Variants in PTPRG observed in about 807,000 individuals in gnomAD.
PTPRG encodes the protein protein tyrosine phosphatase receptor type G.
In PTPRG, 102 loss-of-function variants were observed where a neutral mutation model predicts 165.3. That is an observed-to-expected ratio of 0.62 (90% confidence interval 0.53 to 0.73). The LOEUF is 0.73. PTPRG is among the 30% of genes least tolerant of loss of function. The pLI is 0.00. For synonymous variants in PTPRG, 675 were observed against 669.5 expected (o/e 1.01, Z -0.13); for missense variants, 1,866 against 1,861.4 (o/e 1.00, Z -0.05).
At chr3:61,806,116 TATA>T (rs2035408207) in intron 2 of PTPRG, among the ~76,000 whole-genome samples, 1 of 152,188 alleles carries the variant, frequency 6.6e-6, no homozygotes, top group Admixed American at 6.5e-5. Flanking sequence ...ATATACTAAA[TATA>T]ATTTTTTGTG....
At chr3:62,126,694 T>C (rs567868443) in intron 5 of PTPRG, among the ~76,000 whole-genome samples, 77 of 152,368 alleles carry the variant, frequency 5.1e-4, no homozygotes, top group African/African-American at 6.7e-4. Context: ...AATTTAGTAG[T>C]TGCATTTAAA....
chr3:62,069,633 C>A (rs1327874016), intron 4 of PTPRG, among the ~76,000 whole-genome samples: 2 of 121,382 alleles, frequency 1.6e-5, no homozygotes, highest in Admixed American at 9.3e-5. Flanking sequence ...GCCATAGGAT[C>A]GATGTCTCTC....
At chr3:61,693,416 AGGTAATGT>A (rs1306483596) in intron 1 of PTPRG, among the ~76,000 whole-genome samples, 1 of 152,200 alleles carries the variant, frequency 6.6e-6, no homozygotes, top group East Asian at 1.9e-4. Context: ...TTAAATGCAT[AGGTAATGT>A]GTCATAATTG....
intron 4 of PTPRG, among the ~76,000 whole-genome samples, chr3:62,004,837 G>A (rs899298280): frequency 1.3e-5 from 2 of 152,158 alleles, no homozygotes; most frequent in South Asian, 2.1e-4. Flanking sequence ...TAGCTTCTAC[G>A]TCTTGTCCTG....
intron 1 of PTPRG, among the ~76,000 whole-genome samples, chr3:61,728,107 G>A (rs2032336296): frequency 6.6e-6 from 1 of 151,978 alleles, no homozygotes; most frequent in Non-Finnish European, 1.5e-5. Flanking sequence ...AATTTGCCTA[G>A]CGTGCTGGCA....
At chr3:61,835,028 T>C (rs1481836789) in intron 2 of PTPRG, among the ~76,000 whole-genome samples, 1 of 152,202 alleles carries the variant, frequency 6.6e-6, no homozygotes, top group African/African-American at 2.4e-5. Flanking sequence ...GTTTTCTATC[T>C]GAAATTCAGC....
At chr3:61,713,157 C>T (rs1341503030) in intron 1 of PTPRG, among the ~76,000 whole-genome samples, 1 of 149,422 alleles carries the variant, frequency 6.7e-6, no homozygotes, top group African/African-American at 2.5e-5. Flanking sequence ...TCTGAAACAT[C>T]AAATATGTTT....
At chr3:62,094,816 G>A (rs1468402197) in intron 5 of PTPRG, among the ~76,000 whole-genome samples, 3 of 152,192 alleles carry the variant, frequency 2.0e-5, no homozygotes, top group African/African-American at 7.2e-5. Flanking sequence ...CTCAGCTGCT[G>A]CTGAAACTTT....
intron 20 of PTPRG, among the ~76,000 whole-genome samples, 154 bp downstream of exon 20, chr3:62,269,323 A>G (rs999799446): frequency 1.3e-5 from 2 of 152,130 alleles, no homozygotes; most frequent in African/African-American, 2.4e-5. Context: ...ACATCAGTGT[A>G]TGGTGTGAAA....
chr3:62,195,221 C>T lies in PTPRG; in HGVS notation c.1327+51C>T, dbSNP rs767339019. ...CCGGGGTGCCCCTGAGACTCCCTCCCAATGCTTTCTGCTTCTTCCTGCTCA... is the reference window on the plus strand; with the variant it reads ...CCGGGGTGCCCCTGAGACTCCCTCCTAATGCTTTCTGCTTCTTCCTGCTCA... On this transcript the variant is annotated intron_variant, in intron 10 of 29. Transcript: ENST00000474889. This position sits in a 1 kb window ranked among gnomAD's most constrained non-coding sequence, Gnocchi z 4.4. 1 of 1,470,988 alleles carries T rather than the reference C, an allele frequency of 6.8e-7. No homozygotes were observed. The highest frequency in any genetic ancestry group is 9.5e-7 in the Non-Finnish European group (1 of 1,050,234). 91.1% of individuals were successfully genotyped at this position (1,470,988 alleles called of 1,614,324 possible).
At chr3:61,861,166 A>C (rs1272830494) in intron 2 of PTPRG, among the ~76,000 whole-genome samples, 6 of 152,236 alleles carry the variant, frequency 3.9e-5, no homozygotes, top group Non-Finnish European at 7.3e-5. Context: ...TTTTAAAAAT[A>C]TAGAATGTTA....
chr3:61,988,741 C>T (rs909991665), intron 2 of PTPRG, among the ~76,000 whole-genome samples: 10 of 152,134 alleles, frequency 6.6e-5, no homozygotes, highest in African/African-American at 1.7e-4. Context: ...AGGCTACTCC[C>T]GCTTTGTTGT....
At chr3:61,745,326 C>T (rs923244377) in intron 1 of PTPRG, among the ~76,000 whole-genome samples, 3 of 152,126 alleles carry the variant, frequency 2.0e-5, no homozygotes, top group African/African-American at 4.8e-5. Context: ...GGATTACAGG[C>T]GTGAGCCTCG....
At chr3:61,957,911 T>A (rs2040069831) in intron 2 of PTPRG, among the ~76,000 whole-genome samples, 1 of 152,348 alleles carries the variant, frequency 6.6e-6, no homozygotes, top group South Asian at 2.1e-4. Flanking sequence ...AGCAGATGTC[T>A]GTATCCACTT....
At chr3:62,010,130 G>A (rs754857435) in intron 4 of PTPRG, among the ~76,000 whole-genome samples, 3 of 152,038 alleles carry the variant, frequency 2.0e-5, no homozygotes, top group Non-Finnish European at 2.9e-5. Context: ...TGTTGCCCAC[G>A]CTGGTCTTGA....
At chr3:61,957,157 A>T (rs1033375407) in intron 2 of PTPRG, among the ~76,000 whole-genome samples, 7 of 152,232 alleles carry the variant, frequency 4.6e-5, no homozygotes, top group African/African-American at 1.7e-4. Flanking sequence ...AATTAATGCT[A>T]AATTAAAATA....
At chr3:61,604,753 CT>C (rs141980132) in intron 1 of PTPRG, among the ~76,000 whole-genome samples, 13,441 of 151,984 alleles carry the variant, frequency 0.088, 656 homozygotes, top group Middle Eastern at 0.12. Context: ...TTTTTTCCCC[CT>C]AGAACCCTAT....
At chr3:61,671,390 C>G (rs1457953778) in intron 1 of PTPRG, among the ~76,000 whole-genome samples, 1 of 151,882 alleles carries the variant, frequency 6.6e-6, no homozygotes, top group African/African-American at 2.4e-5. Flanking sequence ...GCACATCTTG[C>G]ACCGCCCTTA....
chr3:61,647,078 A>G lies in PTPRG; in HGVS notation c.85+84706A>G, dbSNP rs187639612. On this transcript the variant is annotated intron_variant, in intron 1 of 29. Transcript: ENST00000474889. The stretch of plus-strand genomic sequence containing the variant: ...AAGCTGCTTATGAACATTTGTGTAC[A>G]TAGTTTTTGAGTGAACCTAAGTTTT... Among the ~76,000 whole-genome samples the G allele has an allele frequency of 8.0e-4, 122 of 152,308 alleles. 1 individual carries two copies. Among genetic ancestry groups the G allele is most frequent in the African/African-American group, 2.8e-3 (117 of 41,574 alleles).
Sources: gnomAD v4.1 joint callset for allele counts (sites outside exome capture counted in the v4.1 genomes callset) on GRCh38, gnomAD v4.1.1 for gene constraint, Gnocchi (gnomAD v3.1) non-coding constraint, MANE v1.5 for transcripts, NCBI Gene and HGNC (gene_info 2026-07-23, HGNC 2026-07-21) for gene names.